Variants in FSIP1 observed in about 807,000 individuals in gnomAD.
The protein encoded by FSIP1 is fibrous sheath interacting protein 1.
In FSIP1, 65 loss-of-function variants were observed where a neutral mutation model predicts 60.9. That is an observed-to-expected ratio of 1.07 (90% CI 0.87 to 1.31). The LOEUF is 1.31. Among genes scored for constraint, FSIP1 ranks in the 40% most tolerant of loss-of-function variants. The pLI, the probability that FSIP1 is intolerant of heterozygous loss-of-function variation, is 0.00. For missense variants in FSIP1, 675 were observed against 665.5 expected (o/e 1.01, Z -0.16); for synonymous variants, 209 against 221.2 (o/e 0.94, Z 0.49).
chr15:39,649,603 A>G (rs574196366), intron 10 of FSIP1, among the ~76,000 whole-genome samples: 6 of 152,292 alleles, frequency 3.9e-5, no homozygotes, highest in African/African-American at 1.4e-4. Context: ...TCATTTTCTA[A>G]GGCTCCTTGC....
chr15:39,600,284 G>A lies in FSIP1; in HGVS notation c.*596C>T, dbSNP rs1890593624. The stretch of plus-strand genomic sequence containing the variant: ...AGGCCCAAACTCTGAAAGAAAATAA[G>A]AAACTATTGTTAACTATTATTAACA... On this transcript the variant is annotated 3_prime_UTR_variant, in exon 12 of 12. Coordinates refer to ENST00000350221, the MANE Select transcript of FSIP1 (RefSeq NM_152597.5). 6.6e-6 allele frequency: 1 copy of A among 152,162 alleles called. No individual in the cohort carries two copies. Among genetic ancestry groups the A allele is most frequent in the Admixed American group, 6.5e-5 (1 of 15,280 alleles). The allele number at this position is 152,162 out of a possible 1,614,324, so 9.4% of individuals were successfully genotyped here.
intron 3 of FSIP1, among the ~76,000 whole-genome samples, chr15:39,766,963 T>C (rs1897711420): frequency 6.6e-6 from 1 of 152,136 alleles, no homozygotes; most frequent in African/African-American, 2.4e-5. Context: ...CATCAGCTTC[T>C]GAACAGCCAG....
At chr15:39,723,001 C>CA (rs1450811841) in intron 9 of FSIP1, among the ~76,000 whole-genome samples, 1 of 151,974 alleles carries the variant, frequency 6.6e-6, no homozygotes, top group African/African-American at 2.4e-5. Context: ...TACGTATACT[C>CA]AATACCTCCC....
At chr15:39,699,944 C>T (rs1894990225) in intron 10 of FSIP1, among the ~76,000 whole-genome samples, 1 of 152,190 alleles carries the variant, frequency 6.6e-6, no homozygotes, top group Non-Finnish European at 1.5e-5. Context: ...AGCTGCACTG[C>T]CTGAGGATGC....
At position 39,637,195 on chromosome 15, in the gene FSIP1, T is replaced by G. The variant is rs912610314; in HGVS notation, c.1189-18950A>C. 3.9e-5 allele frequency among the ~76,000 whole-genome samples: 6 copies of G among 152,380 alleles called. No individual in the cohort carries two copies. In the East Asian group the frequency reaches 9.6e-4, roughly 24 times the overall value. On this transcript the variant is annotated intron_variant, in intron 10 of 11. Coordinates refer to ENST00000350221, the MANE Select transcript of FSIP1 (RefSeq NM_152597.5). The stretch of plus-strand genomic sequence containing the variant: ...CAATCCCAGCTTCCCCCAATTTTTC[T>G]GTGGTTCTATTTCCCGGAACCATTC...
intron 8 of FSIP1, among the ~76,000 whole-genome samples, chr15:39,731,966 CAA>C (rs1205449470): frequency 6.6e-6 from 1 of 152,144 alleles, no homozygotes; most frequent in Non-Finnish European, 1.5e-5. Flanking sequence ...CAGAAGTCCC[CAA>C]CATTTTTGGC....
At chr15:39,779,553 T>C (rs907951603) in intron 1 of FSIP1, among the ~76,000 whole-genome samples, 2 of 152,226 alleles carry the variant, frequency 1.3e-5, no homozygotes, top group Non-Finnish European at 2.9e-5. Flanking sequence ...ATCTTTCCCA[T>C]TTTTGCTCTG....
Position 39,782,650 on chromosome 15 carries a change from GA to G in FSIP1, c.-31del, listed in dbSNP as rs1898317916. The G allele has an allele frequency of 6.6e-6, 1 of 152,494 alleles. No homozygotes were observed. 9.4% of individuals were successfully genotyped at this position (152,494 alleles called of 1,614,324 possible). A position where few individuals can be genotyped will look rare whatever the true frequency, so the allele number is the denominator to read the frequency against. On this transcript the variant is annotated 5_prime_UTR_variant, in exon 1 of 12. Coordinates refer to ENST00000350221, the MANE Select transcript of FSIP1 (RefSeq NM_152597.5). ...CACCTTCCCGCCGGGCCTCCTCGAGGAACTGGCCGCCGTCAGTCAGGGCGCA... is the reference window on the plus strand; with the variant it reads ...CACCTTCCCGCCGGGCCTCCTCGAGGACTGGCCGCCGTCAGTCAGGGCGCA...
chr15:39,640,433 T>C (rs1566864271), intron 10 of FSIP1, among the ~76,000 whole-genome samples: 1 of 152,202 alleles, frequency 6.6e-6, no homozygotes, highest in Non-Finnish European at 1.5e-5. Flanking sequence ...GTTTGGGACC[T>C]GTGGTAATGT....
chr15:39,602,691 G>A (rs565499982), intron 11 of FSIP1, among the ~76,000 whole-genome samples: 51 of 152,210 alleles, frequency 3.4e-4, no homozygotes, highest in African/African-American at 9.9e-4. Context: ...ATAATTCCAC[G>A]CCTTCGTAAG....
At chr15:39,612,467 A>T (rs1193470721) in intron 11 of FSIP1, among the ~76,000 whole-genome samples, 1 of 152,156 alleles carries the variant, frequency 6.6e-6, no homozygotes, top group Non-Finnish European at 1.5e-5. Flanking sequence ...GAAACACAAC[A>T]TATCAAAACT....
chr15:39,773,572 TA>T (rs1336396588), intron 2 of FSIP1, among the ~76,000 whole-genome samples: 3 of 152,188 alleles, frequency 2.0e-5, no homozygotes, highest in Non-Finnish European at 2.9e-5. Context: ...AGTTGCTGCT[TA>T]AAAAAATTGT....
chr15:39,736,521 T>C (rs757908075), intron 8 of FSIP1, among the ~76,000 whole-genome samples: 4 of 152,194 alleles, frequency 2.6e-5, no homozygotes, highest in Non-Finnish European at 4.4e-5. Flanking sequence ...CTAGCTTCCC[T>C]TGAAAAACTG....
intron 9 of FSIP1, among the ~76,000 whole-genome samples, chr15:39,716,480 T>C (rs1231900452): frequency 6.6e-6 from 1 of 152,192 alleles, no homozygotes; most frequent in Non-Finnish European, 1.5e-5. Flanking sequence ...GTATCCAGAA[T>C]ATGTAAGGAA....
chr15:39,775,014 G>C (rs1049556257), intron 2 of FSIP1, among the ~76,000 whole-genome samples: 1 of 151,886 alleles, frequency 6.6e-6, no homozygotes, highest in African/African-American at 2.4e-5. Flanking sequence ...ACTCTTTTTT[G>C]CAGTGGGGGA....
chr15:39,702,382 C>A (rs368168000), intron 10 of FSIP1, among the ~76,000 whole-genome samples: 48 of 22,900 alleles, frequency 2.1e-3, no homozygotes, highest in African/African-American at 5.9e-3. Flanking sequence ...TCCTACCCTC[C>A]AAGGAATTCC....
intron 9 of FSIP1, among the ~76,000 whole-genome samples, chr15:39,717,551 T>C (rs940640412): frequency 2.0e-5 from 3 of 152,232 alleles, no homozygotes; most frequent in African/African-American, 7.2e-5. Flanking sequence ...CAGAAGGTTA[T>C]AAGACAGGAA....
chr15:39,759,736 C>T (rs1595394563), intron 5 of FSIP1, among the ~76,000 whole-genome samples: 1 of 152,140 alleles, frequency 6.6e-6, no homozygotes, highest in Admixed American at 6.6e-5. Flanking sequence ...CTGTTCCTCC[C>T]TCTTCCAGCT....
At chr15:39,651,602 AAC>A (rs1411703575) in intron 10 of FSIP1, among the ~76,000 whole-genome samples, 1 of 152,246 alleles carries the variant, frequency 6.6e-6, no homozygotes, top group Non-Finnish European at 1.5e-5. Context: ...ATGTATTCAA[AAC>A]ACTTAACACA....
Sources: gnomAD v4.1 joint callset for allele counts (sites outside exome capture counted in the v4.1 genomes callset) on GRCh38, gnomAD v4.1.1 for gene constraint, MANE v1.5 for transcripts, NCBI Gene and HGNC (gene_info 2026-07-23, HGNC 2026-07-21) for gene names.